Variants in TRPC6 observed in about 807,000 individuals in gnomAD.
The protein encoded by TRPC6 is transient receptor potential cation channel subfamily C member 6, also known as short transient receptor potential channel 6.
TRPC6 carries 55 observed loss-of-function variants against 90.7 expected under a neutral mutation model. The ratio of observed to expected loss-of-function variants is 0.61; its 90% CI spans 0.49 to 0.76. TRPC6 has a LOEUF of 0.76. TRPC6 is among the 30% of genes least tolerant of loss of function. The pLI is 0.00. For synonymous variants in TRPC6, 393 were observed against 393.0 expected, an observed-to-expected ratio of 1.00 and a Z score of 0.00; for missense variants, 989 against 1,122.7, an observed-to-expected ratio of 0.88 and a Z score of 1.70.
At chr11:101,573,745 GC>G (rs1862012232) in intron 1 of TRPC6, among the ~76,000 whole-genome samples, 1 of 152,000 alleles carries the variant, frequency 6.6e-6, no homozygotes, top group Admixed American at 6.6e-5. Context: ...TATAATCCAA[GC>G]CTTCTTGCAA....
chr11:101,465,834 G>C (rs1410933535), intron 10 of TRPC6, among the ~76,000 whole-genome samples: 2 of 152,146 alleles, frequency 1.3e-5, no homozygotes, highest in East Asian at 1.9e-4. Flanking sequence ...TTCCCTTGGT[G>C]GTGGGGAGTT....
chr11:101,487,721 T>C (rs1859709513), intron 4 of TRPC6, among the ~76,000 whole-genome samples: 1 of 152,180 alleles, frequency 6.6e-6, no homozygotes, highest in Non-Finnish European at 1.5e-5. Context: ...ATGTTCCTCA[T>C]TTATATTATG....
intron 1 of TRPC6, among the ~76,000 whole-genome samples, chr11:101,548,627 C>T (rs1302610008): frequency 3.3e-5 from 5 of 150,776 alleles, no homozygotes; most frequent in Non-Finnish European, 7.4e-5. Flanking sequence ...TAGCAAAGCT[C>T]GTACCATTCT....
At chr11:101,563,988 A>C (rs144416835) in intron 1 of TRPC6, among the ~76,000 whole-genome samples, 2 of 152,094 alleles carry the variant, frequency 1.3e-5, no homozygotes, top group Non-Finnish European at 2.9e-5. Context: ...TACTGCACGC[A>C]TTGCAGGATT....
intron 4 of TRPC6, 115 bp downstream of exon 4, chr11:101,488,820 TAA>T: frequency 8.9e-7 from 1 of 1,125,072 alleles, no homozygotes; most frequent in East Asian, 2.4e-5. Context: ...TTAAAAACAA[TAA>T]AGATTACTGA....
At chr11:101,531,263 A>AT (rs1170155137) in intron 1 of TRPC6, among the ~76,000 whole-genome samples, 1 of 152,242 alleles carries the variant, frequency 6.6e-6, no homozygotes, top group African/African-American at 2.4e-5. Flanking sequence ...CTCAATCCCC[A>AT]TAAGAACTCT....
intron 10 of TRPC6, among the ~76,000 whole-genome samples, chr11:101,467,180 T>C (rs543407050): frequency 2.3e-4 from 35 of 152,346 alleles, no homozygotes; most frequent in African/African-American, 7.2e-4. Flanking sequence ...CTGTTTTTGT[T>C]TCTTCCACTC....
chr11:101,452,833 C>G lies in TRPC6; in HGVS notation c.*122G>C, dbSNP rs200465112. ...ACTAGGGCTCCAGATGATAGGATGG[C>G]CCAAGTTATTTAACGTTTTCTTGTT... is the stretch of plus-strand genomic sequence containing the variant. On this transcript the variant is annotated 3_prime_UTR_variant, in exon 13 of 13. Coordinates refer to ENST00000344327, the MANE Select transcript of TRPC6 (RefSeq NM_004621.6). 1 of 1,198,398 alleles carries G rather than the reference C, an allele frequency of 8.3e-7. No individual in the cohort carries two copies. The highest frequency in any genetic ancestry group is 1.5e-5 in the African/African-American group (1 of 65,654). 74.2% of individuals were successfully genotyped at this position (1,198,398 alleles called of 1,614,324 possible). A position where few individuals can be genotyped will look rare whatever the true frequency, so the allele number is the denominator to read the frequency against.
chr11:101,561,151 C>T (rs1313080194), intron 1 of TRPC6, among the ~76,000 whole-genome samples: 3 of 152,082 alleles, frequency 2.0e-5, no homozygotes, highest in African/African-American at 7.2e-5. Flanking sequence ...CATTATAGCA[C>T]ACTGCTGATA....
At position 101,451,694 on chromosome 11, in the gene TRPC6, A is replaced by G. The variant is rs959553970; in HGVS notation, c.*1261T>C. 1 of 152,248 alleles carries G rather than the reference A, an allele frequency of 6.6e-6. No homozygotes were observed. Among genetic ancestry groups the G allele is most frequent in the African/African-American group, 2.4e-5 (1 of 41,476 alleles). 9.4% of individuals were successfully genotyped at this position (152,248 alleles called of 1,614,324 possible). On this transcript the variant is annotated 3_prime_UTR_variant, in exon 13 of 13. Transcript: ENST00000344327. ...GTTACATAAATGTTCTTTGATTTAA[A>G]TTAAGCCAAAGTTGGAGCTAAACAG...
intron 1 of TRPC6, among the ~76,000 whole-genome samples, chr11:101,569,970 A>AAG (rs1446197706): frequency 7.6e-6 from 1 of 132,084 alleles, no homozygotes; most frequent in Non-Finnish European, 1.8e-5. Context: ...CTAGAGAAAC[A>AAG]AGAGCAAACA....
At chr11:101,474,152 T>C (rs564158898) in intron 6 of TRPC6, among the ~76,000 whole-genome samples, 13 of 152,348 alleles carry the variant, frequency 8.5e-5, no homozygotes, top group Non-Finnish European at 1.8e-4. Context: ...AACTCTCTTG[T>C]CTTCGTGAGA....
At chr11:101,484,491 A>C (rs559906817) in intron 4 of TRPC6, among the ~76,000 whole-genome samples, 2 of 152,248 alleles carry the variant, frequency 1.3e-5, no homozygotes, top group South Asian at 2.1e-4. Context: ...TCAAAATAAT[A>C]AAACTTAGAG....
chr11:101,557,713 C>T (rs901889375), intron 1 of TRPC6, among the ~76,000 whole-genome samples: 43 of 152,116 alleles, frequency 2.8e-4, no homozygotes, highest in African/African-American at 1.0e-3. Context: ...CATTTCTATA[C>T]ACTAACAAAG....
intron 1 of TRPC6, among the ~76,000 whole-genome samples, chr11:101,512,275 G>GT (rs1860411628): frequency 6.6e-6 from 1 of 152,104 alleles, no homozygotes; most frequent in Non-Finnish European, 1.5e-5. Context: ...GAATGAAATG[G>GT]TAAGAGCCTG....
intron 1 of TRPC6, among the ~76,000 whole-genome samples, chr11:101,526,146 G>T (rs1860773904): frequency 6.6e-6 from 1 of 152,110 alleles, no homozygotes; most frequent in South Asian, 2.1e-4. Flanking sequence ...TAATGAAAGG[G>T]TATAAATATG....
At chr11:101,458,884 C>T (rs1858942423) in intron 10 of TRPC6, among the ~76,000 whole-genome samples, 2 of 152,106 alleles carry the variant, frequency 1.3e-5, no homozygotes, top group South Asian at 4.1e-4. Context: ...ATTCACTTAC[C>T]ATCTTAGATA....
chr11:101,472,039 G>A (rs997738979), intron 8 of TRPC6, 98 bp downstream of exon 8: 5 of 1,248,916 alleles, frequency 4.0e-6, no homozygotes, highest in Non-Finnish European at 5.8e-6. Context: ...TGAACAAAGG[G>A]CGAAGAGCAG....
chr11:101,452,884 A>G lies in TRPC6; in HGVS notation c.*71T>C. 6.3e-7 allele frequency: 1 copy of G among 1,591,404 alleles called. No homozygotes were observed. Among genetic ancestry groups the G allele is most frequent in the East Asian group, 2.2e-5 (1 of 44,694 alleles). ...TAAAAGGTGGGCCCATTGGCACTTA[A>G]GAAAATAAATCAGAAAATAATATGG... On this transcript the variant is annotated 3_prime_UTR_variant, in exon 13 of 13. Coordinates refer to ENST00000344327, the MANE Select transcript of TRPC6 (RefSeq NM_004621.6).
Sources: allele counts gnomAD v4.1 joint callset (sites outside exome capture counted in the v4.1 genomes callset), GRCh38; gene constraint gnomAD v4.1.1; transcripts MANE v1.5; gene names NCBI Gene and HGNC (gene_info 2026-07-23, HGNC 2026-07-21).